The following ZFYVE28 variants were observed in gnomAD, a reference collection of about 807,000 sequenced individuals.
The protein encoded by ZFYVE28 is lateral signaling target protein 2 homolog.
Under a neutral mutation model 82.1 loss-of-function variants are expected in ZFYVE28, and 40 were observed. The observed-to-expected ratio is 0.49, with a 90% CI of 0.38 to 0.63. The LOEUF (loss-of-function observed/expected upper bound fraction) is 0.63. Among genes scored for constraint, ZFYVE28 ranks in the 30% least tolerant of loss-of-function variants. The pLI, the probability that ZFYVE28 is intolerant of heterozygous loss-of-function variation, is 0.00. For missense variants in ZFYVE28, 1,321 were observed against 1,242.1 expected (o/e 1.06, Z -0.96); for synonymous variants, 612 against 546.1 (o/e 1.12, Z -1.68).
rs377212130 is a variant in ZFYVE28, at chr4:2,351,462, C to T, written c.180+2471G>A. Among the ~76,000 whole-genome samples the T allele has an allele frequency of 3.9e-5, 6 of 152,278 alleles. No individual in the cohort carries two copies. The East Asian group carries it at 1.2e-3, about 29-fold the overall frequency. ...GGCACGGTGACTCATGCCCGTAATC[C>T]CAGAACTTTGGGAGGCCAGGGCAGG... On this transcript the variant is annotated intron_variant, in intron 2 of 12. Coordinates refer to ENST00000290974, the MANE Select transcript of ZFYVE28 (RefSeq NM_020972.3).
In ZFYVE28 at chr4:2,379,163, C is replaced by A. The variant is rs138304227; in HGVS notation, c.40-25090G>T. 2.0e-4 allele frequency among the ~76,000 whole-genome samples: 31 copies of A among 152,302 alleles called. 1 individual carries two copies. In the East Asian group the frequency reaches 4.0e-3, roughly 20 times the overall value. On this transcript the variant is annotated intron_variant, in intron 1 of 12. Coordinates refer to ENST00000290974, the MANE Select transcript of ZFYVE28 (RefSeq NM_020972.3). ...GTCTGCACCATGCTGGCAGCAGAAC[C>A]CGTGCCAGAGAGCAAGGAGGTGTGG...
intron 1 of ZFYVE28, among the ~76,000 whole-genome samples, chr4:2,399,036 G>GAGATCCAGGGCACAAGCGTGGAGGTA: frequency 7.0e-6 from 1 of 142,854 alleles, no homozygotes; most frequent in Non-Finnish European, 1.5e-5. Context: ...AAGGTGGGGT[G>GAGATCCAGGGCACAAGCGTGGAGGTA]AGATCCAGGG....
intron 1 of ZFYVE28, among the ~76,000 whole-genome samples, chr4:2,406,164 G>C (rs565839527): frequency 7.8e-4 from 119 of 152,084 alleles, no homozygotes; most frequent in Non-Finnish European, 1.4e-3. Context: ...TTGAGGTCAG[G>C]AATTCAAGAC....
At chr4:2,272,671 G>A (rs1736017016) in intron 10 of ZFYVE28, among the ~76,000 whole-genome samples, 1 of 152,216 alleles carries the variant, frequency 6.6e-6, no homozygotes, top group Non-Finnish European at 1.5e-5. Flanking sequence ...GGCAGCAGTG[G>A]ACTCCTTTCC....
chr4:2,355,930 G>A (rs1725246088), intron 1 of ZFYVE28, among the ~76,000 whole-genome samples: 1 of 152,192 alleles, frequency 6.6e-6, no homozygotes, highest in Admixed American at 6.5e-5. Flanking sequence ...GAAAGACAGA[G>A]GAGAGGAGAA....
chr4:2,315,920 T>A (rs1718141728), intron 7 of ZFYVE28, among the ~76,000 whole-genome samples: 1 of 152,184 alleles, frequency 6.6e-6, no homozygotes, highest in African/African-American at 2.4e-5. Flanking sequence ...TTAGGCCTTT[T>A]GAGTTTGTTA....
At chr4:2,370,890 C>G (rs3128805) in intron 1 of ZFYVE28, among the ~76,000 whole-genome samples, 101,625 of 152,078 alleles carry the variant, frequency 0.67, 34,285 homozygotes, top group East Asian at 0.8. Flanking sequence ...ATGTGGGTCA[C>G]GTGTGTCTCG....
At chr4:2,363,745 C>T (rs890083706) in intron 1 of ZFYVE28, among the ~76,000 whole-genome samples, 1 of 152,212 alleles carries the variant, frequency 6.6e-6, no homozygotes, top group African/African-American at 2.4e-5. Flanking sequence ...TTGGCTATGA[C>T]GATCTTTGCT....
At chr4:2,326,428 T>G (rs901746590) in intron 6 of ZFYVE28, among the ~76,000 whole-genome samples, 11 of 152,214 alleles carry the variant, frequency 7.2e-5, no homozygotes, top group Non-Finnish European at 1.3e-4. Context: ...TCTAAGCTGT[T>G]TTAAAATTAC....
chr4:2,371,105 C>A (rs143462541), intron 1 of ZFYVE28, among the ~76,000 whole-genome samples: 74 of 152,188 alleles, frequency 4.9e-4, no homozygotes, highest in African/African-American at 1.7e-3. Context: ...TGCAGGTGGG[C>A]GACTTGGAGC....
intron 6 of ZFYVE28, among the ~76,000 whole-genome samples, chr4:2,322,474 G>T (rs962625605): frequency 6.6e-6 from 1 of 152,068 alleles, no homozygotes; most frequent in Admixed American, 6.5e-5. Context: ...TGTGGCCAGG[G>T]GTGTGGGGGC....
At chr4:2,284,017 C>T (rs758178747) in intron 8 of ZFYVE28, among the ~76,000 whole-genome samples, 10 of 152,224 alleles carry the variant, frequency 6.6e-5, no homozygotes, top group Non-Finnish European at 1.0e-4. Context: ...GGATGCTCCA[C>T]AGAACGCAAT....
rs746180543 is a variant in ZFYVE28 at position 2,271,693 on chromosome 4, G to A, written c.2410C>T (p.Arg804Cys). Residue 804 changes from arginine to cysteine, a missense_variant, in exon 11 of 13, where the codon CGC (arginine) becomes TGC (cysteine). Around this residue, in one of 2 missense-constraint regions of ZFYVE28, gnomAD observed 978 missense variants for 833.7 expected, o/e 1.17. Transcript: ENST00000290974. ...LSSSELAAKT[R>C]DGDFEDPPEW... ...CACACACCTTCAAAGTCCCCATCGCGGGTCTTGGCTGCCAGTTCAGAGGAT... is the reference window on the plus strand; with the variant it reads ...CACACACCTTCAAAGTCCCCATCGCAGGTCTTGGCTGCCAGTTCAGAGGAT... 1.1e-5 allele frequency: 18 copies of A among 1,613,794 alleles called. No homozygotes were observed. The highest frequency in any genetic ancestry group is 5.5e-5 in the South Asian group (5 of 91,094).
intron 1 of ZFYVE28, among the ~76,000 whole-genome samples, chr4:2,382,362 CTG>C (rs1463209153): frequency 2.0e-5 from 3 of 152,218 alleles, no homozygotes; most frequent in African/African-American, 7.2e-5. Context: ...CAATGCCAGC[CTG>C]TGAAAGCAGC....
At chr4:2,271,597 C>A (rs963778432) in intron 11 of ZFYVE28, 78 bp downstream of exon 11, 14 of 1,518,956 alleles carry the variant, frequency 9.2e-6, no homozygotes, top group Non-Finnish European at 1.3e-5. Flanking sequence ...GCCCCTCCCC[C>A]AGGAGGAAGG....
chr4:2,399,128 G>GGTGGGGGGGGAGAT (rs1560339090), intron 1 of ZFYVE28, among the ~76,000 whole-genome samples: 5 of 108,098 alleles, frequency 4.6e-5, no homozygotes, highest in South Asian at 2.7e-4. Flanking sequence ...GAGGGCACAA[G>GGTGGGGGGGGAGAT]CTGGGTGGTG....
intron 7 of ZFYVE28, among the ~76,000 whole-genome samples, chr4:2,308,622 GAAGACAGA>G (rs767556034): frequency 3.7e-5 from 3 of 81,742 alleles, no homozygotes; most frequent in Admixed American, 1.6e-4. Context: ...AAGAAAGAAA[GAAGACAGA>G]AAGAAAGAAA....
intron 8 of ZFYVE28, among the ~76,000 whole-genome samples, chr4:2,288,214 C>T (rs1010485906): frequency 6.6e-6 from 1 of 152,168 alleles, no homozygotes; most frequent in South Asian, 2.1e-4. Context: ...CATGAAGGCC[C>T]GAGGACCTGC....
At chr4:2,354,756 G>C (rs1195708492) in intron 1 of ZFYVE28, among the ~76,000 whole-genome samples, 1 of 151,982 alleles carries the variant, frequency 6.6e-6, no homozygotes, top group East Asian at 1.9e-4. Context: ...ACTGTGCCCG[G>C]CCAGGAAATA....
Sources: gnomAD v4.1 joint callset for allele counts (sites outside exome capture counted in the v4.1 genomes callset) on GRCh38, gnomAD v4.1.1 for gene constraint, gnomAD v4.1.1 regional missense constraint, MANE v1.5 for transcripts, NCBI Gene and HGNC (gene_info 2026-07-23, HGNC 2026-07-21) for gene names.